The following MYH11 variants were observed in gnomAD, a reference collection of about 807,000 sequenced individuals.
MYH11 encodes the protein myosin-11.
MYH11 carries 80 observed loss-of-function variants against 246.6 expected under a neutral mutation model. That is an observed-to-expected ratio of 0.32 (90% CI 0.27 to 0.39). MYH11 has a LOEUF of 0.39. MYH11 is among the 10% of genes least tolerant of loss of function. The probability of loss-of-function intolerance (pLI) is 1.00; values close to 1 mark genes in which losing one functional copy is unlikely to be tolerated. For synonymous variants in MYH11, 1,071 were observed against 1,015.5 expected, an observed-to-expected ratio of 1.05 and a Z score of -1.04; for missense variants, 2,158 against 2,546.8, an observed-to-expected ratio of 0.85 and a Z score of 3.29.
At chr16:15,799,346 C>T (rs2042827895) in intron 3 of MYH11, among the ~76,000 whole-genome samples, 1 of 152,176 alleles carries the variant, frequency 6.6e-6, no homozygotes, top group South Asian at 2.1e-4. Flanking sequence ...GGAAGCACAG[C>T]AGGTGGACAG....
At chr16:15,789,840 C>T (rs1028637739) in intron 4 of MYH11, among the ~76,000 whole-genome samples, 1 of 152,214 alleles carries the variant, frequency 6.6e-6, no homozygotes, top group African/African-American at 2.4e-5. Flanking sequence ...TGAACCTATT[C>T]AGATCCAAGA....
At chr16:15,742,021 G>A in intron 20 of MYH11, 130 bp from the exon 21 acceptor site, 1 of 1,389,440 alleles carries the variant, frequency 7.2e-7, no homozygotes. Context: ...GATATTGTCT[G>A]GAGACACTGC....
intron 7 of MYH11, 61 bp from the exon 8 acceptor site, chr16:15,776,237 T>A: frequency 9.2e-7 from 1 of 1,090,654 alleles, no homozygotes; most frequent in Non-Finnish European, 1.4e-6. Flanking sequence ...GTCTTCCACC[T>A]CCATCCCTGT....
In MYH11 at chr16:15,718,381, C is replaced by T. The variant is rs774805996; in HGVS notation, c.5229G>A (p.Glu1743=). The change falls in exon 37 of 41, where the codon GAG becomes GAA. Residue 1743 remains glutamate, a synonymous_variant. Coordinates refer to ENST00000300036, the MANE Select transcript of MYH11 (RefSeq NM_002474.3). ...RLEARIAQLE[E]ELEEEQGNME... ...TGTTGCCCTGCTCCTCCTCCAGCTC[C>T]TCCTCCAGCTGGGCGATCCGGGCCT... The T allele has an allele frequency of 5.0e-6, 8 of 1,605,470 alleles. No homozygotes were observed. The highest frequency in any genetic ancestry group is 1.7e-5 in the Admixed American group (1 of 59,772).
chr16:15,805,018 C>A (rs538013409), intron 3 of MYH11, among the ~76,000 whole-genome samples: 120 of 152,286 alleles, frequency 7.9e-4, no homozygotes, highest in African/African-American at 2.8e-3. Flanking sequence ...CGGGTACATA[C>A]CCTAATCTGT....
At position 15,813,021 on chromosome 16, in the gene MYH11, G is replaced by T. The variant is rs892820598; in HGVS notation, c.502+10234C>A. On this transcript the variant is annotated intron_variant, in intron 3 of 40. Coordinates refer to ENST00000300036, the MANE Select transcript of MYH11 (RefSeq NM_002474.3). The stretch of plus-strand genomic sequence containing the variant: ...ATCTCTACTAAAAGTACAAAAATTA[G>T]CTGGGCATGGTGGCATGTGCCTGTA... Among the ~76,000 whole-genome samples the T allele has an allele frequency of 3.9e-5, 6 of 152,266 alleles. No homozygotes were observed. The South Asian group carries it at 8.3e-4, about 21-fold the overall frequency.
At chr16:15,709,332 GT>G (rs1285266233) in intron 40 of MYH11, among the ~76,000 whole-genome samples, 2 of 150,782 alleles carry the variant, frequency 1.3e-5, no homozygotes, top group Non-Finnish European at 3.0e-5. Flanking sequence ...AGGATAAGCA[GT>G]TTTTTGATAC....
intron 27 of MYH11, among the ~76,000 whole-genome samples, chr16:15,731,984 T>G (rs992947682): frequency 2.6e-5 from 4 of 151,840 alleles, no homozygotes; most frequent in African/African-American, 9.7e-5. Flanking sequence ...TTTTTTGAGA[T>G]GGAATCCTGC....
intron 39 of MYH11, 37 bp from the exon 40 acceptor site, chr16:15,715,118 CGGCTGGG>C (rs754031840): frequency 3.2e-5 from 48 of 1,519,500 alleles, no homozygotes; most frequent in Admixed American, 1.7e-4. Flanking sequence ...TAGGGGAGGC[CGGCTGGG>C]GGCTGGGGGC....
rs375643160 is a variant in MYH11, at chr16:15,737,480, T to C, written c.3262A>G (p.Lys1088Glu). 1.4e-5 allele frequency: 23 copies of C among 1,613,566 alleles called. No homozygotes were observed. The highest frequency in any genetic ancestry group is 2.7e-5 in the African/African-American group (2 of 74,930). The change falls in exon 25 of 41, where the codon AAG becomes GAG. Residue 1088 changes from lysine to glutamate, a missense_variant. By Grantham distance (56) the Lys-to-Glu change is moderately conservative (BLOSUM62 1). Coordinates refer to ENST00000300036, the MANE Select transcript of MYH11 (RefSeq NM_002474.3). Reference protein sequence around the residue: ...IAELKMQLAKKEEELQAALAR... With the variant: ...IAELKMQLAKEEEELQAALAR... ...AGGGCCGCCTGCAGCTCCTCCTCCTTCTTGGCCAGCTGCATCTTGAGCTCT... is the reference window on the plus strand; with the variant it reads ...AGGGCCGCCTGCAGCTCCTCCTCCTCCTTGGCCAGCTGCATCTTGAGCTCT...
chr16:15,856,207 C>A (rs1161609677), intron 1 of MYH11, among the ~76,000 whole-genome samples: 1 of 147,386 alleles, frequency 6.8e-6, no homozygotes, highest in Non-Finnish European at 1.5e-5. Flanking sequence ...TTGGGGTCAA[C>A]CTGGGTGAGT....
At position 15,829,861 on chromosome 16, in the gene MYH11, G is replaced by A. The variant is rs541995398; in HGVS notation, c.346-6450C>T. Among the ~76,000 whole-genome samples, 75 of 152,272 alleles carry A rather than the reference G, an allele frequency of 4.9e-4. No homozygotes were observed. The South Asian group carries it at 6.6e-3, about 13-fold the overall frequency. The stretch of plus-strand genomic sequence containing the variant: ...TTCAGACACACAGGGATGGCCGGGC[G>A]CAGTGGCTCACACCTGTAATCCCGG... On this transcript the variant is annotated intron_variant, in intron 2 of 40. Transcript: ENST00000300036.
chr16:15,703,843 G>T lies in MYH11; in HGVS notation c.*148C>A. 9.0e-7 allele frequency: 1 copy of T among 1,109,642 alleles called. No homozygotes were observed. The highest frequency in any genetic ancestry group is 1.4e-6 in the Non-Finnish European group (1 of 736,948). The allele number at this position is 1,109,642 out of a possible 1,614,324, so 68.7% of individuals were successfully genotyped here. On this transcript the variant is annotated 3_prime_UTR_variant, in exon 41 of 41. Transcript: ENST00000300036. ...TATATTCCTTGTGTGAGGGGTGTCT[G>T]TGATATTTGGAATTTGAGAATGGAT...
chr16:15,707,348 G>C (rs531207121), intron 40 of MYH11, among the ~76,000 whole-genome samples: 1 of 152,106 alleles, frequency 6.6e-6, no homozygotes, highest in African/African-American at 2.4e-5. Context: ...GATTCTATTC[G>C]TGGACTCAGC....
At chr16:15,812,253 T>C (rs1258642965) in intron 3 of MYH11, among the ~76,000 whole-genome samples, 2 of 152,062 alleles carry the variant, frequency 1.3e-5, no homozygotes, top group African/African-American at 4.8e-5. Flanking sequence ...TCTGAGTCTG[T>C]TTTCCCAGCT....
chr16:15,735,790 A>G (rs2041100807), intron 25 of MYH11, among the ~76,000 whole-genome samples: 1 of 152,236 alleles, frequency 6.6e-6, no homozygotes, highest in Non-Finnish European at 1.5e-5. Flanking sequence ...AACAGGTTGT[A>G]CATGTGCATG....
At chr16:15,821,355 G>A (rs1254356243) in intron 3 of MYH11, among the ~76,000 whole-genome samples, 2 of 152,146 alleles carry the variant, frequency 1.3e-5, no homozygotes, top group African/African-American at 4.8e-5. Context: ...TGTAATGAAA[G>A]GTCACGTAAC....
intron 40 of MYH11, among the ~76,000 whole-genome samples, chr16:15,709,366 A>C (rs1243779130): frequency 1.3e-5 from 2 of 151,096 alleles, no homozygotes; most frequent in African/African-American, 2.4e-5. Context: ...GATGGAGTGC[A>C]CTGGCATGAT....
In MYH11 at chr16:15,703,680, C is replaced by T; in HGVS notation, c.*311G>A. On this transcript the variant is annotated 3_prime_UTR_variant, in exon 41 of 41. Transcript: ENST00000300036. The stretch of plus-strand genomic sequence containing the variant: ...TATAGCTCATTGCAGCCTCGAAGTC[C>T]TGGGCTGGAGCGTTCTTCCTGGCTC... The T allele has an allele frequency of 6.7e-6, 3 of 448,262 alleles. No individual in the cohort carries two copies. The East Asian group carries it at 1.2e-4, about 18-fold the overall frequency. The allele number at this position is 448,262 out of a possible 1,614,324, so 27.8% of individuals were successfully genotyped here.
Sources: gnomAD v4.1 joint callset for allele counts (sites outside exome capture counted in the v4.1 genomes callset) on GRCh38, gnomAD v4.1.1 for gene constraint, MANE v1.5 for transcripts, NCBI Gene and HGNC (gene_info 2026-07-23, HGNC 2026-07-21) for gene names.